The following C3 variants were observed in gnomAD, a reference collection of about 807,000 sequenced individuals.
C3 encodes complement C3, also known as C3 and PZP-like alpha-2-macroglobulin domain-containing protein 1.
Under a neutral mutation model 207.9 loss-of-function variants are expected in C3, and 97 were observed. That is an observed-to-expected ratio of 0.47 (90% CI 0.40 to 0.55). The LOEUF (loss-of-function observed/expected upper bound fraction) is 0.55, where lower values mean the gene tolerates loss of function less well. Among genes scored for constraint, C3 ranks in the 20% least tolerant of loss-of-function variants. C3 has a pLI of 0.00. For missense variants in C3, 1,684 were observed against 2,171.7 expected (o/e 0.78, Z 4.46); for synonymous variants, 848 against 857.6 (o/e 0.99, Z 0.20).
At chr19:6,688,379 C>T (rs562464821) in intron 27 of C3, among the ~76,000 whole-genome samples, 3 of 152,302 alleles carry the variant, frequency 2.0e-5, no homozygotes, top group East Asian at 1.9e-4. Flanking sequence ...GGTGATCTGC[C>T]GGCCTTGGCT....
intron 27 of C3, among the ~76,000 whole-genome samples, chr19:6,689,341 C>A (rs1436751676): frequency 1.7e-4 from 10 of 57,442 alleles, no homozygotes; most frequent in African/African-American, 7.7e-4. Flanking sequence ...CCCTCCCTCC[C>A]TCCCTCCCTC....
chr19:6,685,010 G>C lies in C3; in HGVS notation c.3947C>G (p.Ala1316Gly), dbSNP rs1323724639. 3 of 1,613,840 alleles carry C rather than the reference G, an allele frequency of 1.9e-6. No individual in the cohort carries two copies. Among genetic ancestry groups the C allele is most frequent in the Non-Finnish European group, 2.5e-6 (3 of 1,179,996 alleles). The stretch of plus-strand genomic sequence containing the variant: ...TACCTCTTCTGATCGCAGGAGGCTG[G>C]CAGATTCCCAGTGGATACGGTGGGT... ...KITHRIHWES[A>G]SLLRSEETKE... Residue 1316 changes from alanine (A) to glycine (G), a missense_variant, in exon 30 of 41, where the codon GCC (alanine) becomes GGC (glycine). This residue lies in a region of C3 where 1,280 missense variants were observed against 1,739.1 expected (regional missense o/e 0.74). Transcript: ENST00000245907.
Position 6,702,011 on chromosome 19 carries a change from G to C in C3, c.2440+116C>G, listed in dbSNP as rs408290. ...GGTAACAACACCTCTGTGGTAACCA[G>C]GGCAGAGAATAAAGTGCCAAGAAAC... On this transcript the variant is annotated intron_variant, in intron 19 of 40. Transcript: ENST00000245907. The C allele has an allele frequency of 0.65, 473,872 of 724,746 alleles. 157,618 individuals are homozygous for C. The highest frequency in any genetic ancestry group is 0.86 in the East Asian group (33,289 of 38,508). 44.9% of individuals were successfully genotyped at this position (724,746 alleles called of 1,614,324 possible).
At chr19:6,684,328 A>G in intron 33 of C3, 60 bp downstream of exon 33, 1 of 1,307,052 alleles carries the variant, frequency 7.7e-7, no homozygotes, top group Middle Eastern at 1.9e-4. Context: ...ATTATTTGCA[A>G]GAATTCTTGC....
rs766935351 is a variant in C3, at chr19:6,678,200, T to C, written c.4802A>G (p.His1601Arg). The C allele has an allele frequency of 1.9e-6, 3 of 1,614,088 alleles. No individual in the cohort carries two copies. In the African/African-American group the frequency reaches 4.0e-5, roughly 22 times the overall value. The part of the protein sequence containing the change: ...REALKLEEKK[H>R]YLMWGLSSDF... ...GGAGGAGAGACCCCACATGAGGTAG[T>C]GTTTCTTCTCCTCCAGCTTCAGGGC... Residue 1601 changes from histidine to arginine, a missense_variant, in exon 40 of 41, where the codon CAC becomes CGC. Transcript: ENST00000245907.
chr19:6,704,672 T>G (rs1967737210), intron 17 of C3, among the ~76,000 whole-genome samples: 1 of 152,048 alleles, frequency 6.6e-6, no homozygotes, highest in Non-Finnish European at 1.5e-5. Flanking sequence ...GGCAGGAGAA[T>G]CACTTGAACA....
chr19:6,711,715 G>A (rs565204154), intron 11 of C3, among the ~76,000 whole-genome samples: 1 of 152,296 alleles, frequency 6.6e-6, no homozygotes, highest in East Asian at 1.9e-4. Flanking sequence ...GGGACTGGGA[G>A]GCCATCTGCA....
Position 6,714,004 on chromosome 19 carries a change from G to A in C3, c.761C>T (p.Thr254Ile), listed in dbSNP as rs769198027. 1 of 1,606,772 alleles carries A rather than the reference G, an allele frequency of 6.2e-7. No homozygotes were observed. The highest frequency in any genetic ancestry group is 2.2e-5 in the East Asian group (1 of 44,726). ...YIYNEKGLEVTITARFLYGKK... is the reference protein window; with the variant it reads ...YIYNEKGLEVIITARFLYGKK... ...CCCAGTCCCTCACCTGGCGGTGATG[G>A]TGACCTCCAGGCCCTTCTCGTTATA... The change falls in exon 7 of 41, where the codon ACC becomes ATC. Residue 254 changes from threonine (T) to isoleucine (I), a missense_variant. Transcript: ENST00000245907.
At chr19:6,699,380 T>A (rs1323117025) in intron 19 of C3, among the ~76,000 whole-genome samples, 1 of 151,922 alleles carries the variant, frequency 6.6e-6, no homozygotes, top group Non-Finnish European at 1.5e-5. Context: ...GGCCTGAGAA[T>A]CTACCTTTTC....
chr19:6,715,872 G>A (rs975365667), intron 4 of C3, among the ~76,000 whole-genome samples: 5 of 151,874 alleles, frequency 3.3e-5, no homozygotes, highest in Non-Finnish European at 5.9e-5. Context: ...TGATCTGCCC[G>A]CCTCCACCTC....
At chr19:6,709,935 A>T in intron 13 of C3, 93 bp from the exon 14 acceptor site, 1 of 1,143,384 alleles carries the variant, frequency 8.7e-7, no homozygotes, top group Non-Finnish European at 1.2e-6. Context: ...GGAAAGACAG[A>T]AAGGTTGGGG....
At chr19:6,708,742 A>G (rs1429984135) in intron 14 of C3, among the ~76,000 whole-genome samples, 1 of 139,040 alleles carries the variant, frequency 7.2e-6, no homozygotes, top group Non-Finnish European at 1.5e-5. Context: ...GCTGGAGTGC[A>G]GTGGTGCAGG....
rs555503022 is a variant in C3, at chr19:6,701,678, C to A, written c.2440+449G>T. ...TGGGATTATAGGCGCCCGCCACCCC[C>A]TGCCTGGCTAATTGTTTTGTACTTT... is the stretch of plus-strand genomic sequence containing the variant. On this transcript the variant is annotated intron_variant, in intron 19 of 40. Coordinates refer to ENST00000245907, the MANE Select transcript of C3 (RefSeq NM_000064.4). 2.6e-5 allele frequency among the ~76,000 whole-genome samples: 4 copies of A among 152,222 alleles called. 1 individual carries two copies. In the South Asian group the frequency reaches 8.3e-4, roughly 32 times the overall value.
Position 6,679,148 on chromosome 19 carries a change from G to A in C3, c.4607C>T (p.Ala1536Val). 6.2e-7 allele frequency: 1 copy of A among 1,614,032 alleles called. No individual in the cohort carries two copies. Among genetic ancestry groups the A allele is most frequent in the Non-Finnish European group, 8.5e-7 (1 of 1,179,902 alleles). The change falls in exon 38 of 41, where the codon GCC becomes GTC. Residue 1536 changes from alanine to valine, a missense_variant. Physicochemically the swap from Ala to Val is moderately conservative, Grantham distance 64 (BLOSUM62 0). Transcript: ENST00000245907. ...ACCATAGTCCACTCCTGGCTCACAG[G>A]CCTTGTCCAGCCGTTCTTCCAGGGT... Reference protein sequence around the residue: ...KVTLEERLDKACEPGVDYVYK... With the variant: ...KVTLEERLDKVCEPGVDYVYK...
At chr19:6,702,646 C>G in intron 17 of C3, 67 bp from the exon 18 acceptor site, 1 of 1,152,210 alleles carries the variant, frequency 8.7e-7, no homozygotes, top group South Asian at 1.2e-5. Flanking sequence ...GCCTGAAATC[C>G]CAGCACTTAG....
intron 38 of C3, 61 bp downstream of exon 38, chr19:6,679,064 C>T: frequency 7.7e-7 from 1 of 1,304,808 alleles, no homozygotes; most frequent in Non-Finnish European, 1.1e-6. Context: ...CACCTACCAC[C>T]CACCACACAA....
intron 17 of C3, among the ~76,000 whole-genome samples, chr19:6,703,272 G>C (rs1469283473): frequency 6.6e-6 from 1 of 152,118 alleles, no homozygotes; most frequent in Non-Finnish European, 1.5e-5. Flanking sequence ...ATACAATGCA[G>C]ACTGGATTAT....
At chr19:6,687,360 ATCG>A (rs1918037267) in intron 27 of C3, among the ~76,000 whole-genome samples, 1 of 152,132 alleles carries the variant, frequency 6.6e-6, no homozygotes, top group Non-Finnish European at 1.5e-5. Flanking sequence ...CATCATCATC[ATCG>A]TCATCATCAT....
intron 11 of C3, 98 bp from the exon 12 acceptor site, chr19:6,711,294 G>A (rs1967919268): frequency 3.3e-6 from 3 of 917,026 alleles, no homozygotes; most frequent in African/African-American, 1.6e-5. Flanking sequence ...TTAACAAAAG[G>A]GGCTTTGCAG....
Sources: allele counts gnomAD v4.1 joint callset (sites outside exome capture counted in the v4.1 genomes callset), GRCh38; gene constraint gnomAD v4.1.1; regional missense constraint gnomAD v4.1.1; transcripts MANE v1.5; gene names NCBI Gene and HGNC (gene_info 2026-07-23, HGNC 2026-07-21).